Variants in PDE4C observed in about 807,000 individuals in gnomAD.
PDE4C encodes phosphodiesterase 4C.
In PDE4C, 50 loss-of-function variants were observed where a neutral mutation model predicts 63.9. The observed-to-expected ratio is 0.78, with a 90% CI of 0.62 to 0.99. The LOEUF (loss-of-function observed/expected upper bound fraction) is 0.99, where lower values mean the gene tolerates loss of function less well. PDE4C is among the 50% of genes least tolerant of loss of function. The probability of loss-of-function intolerance (pLI) is 0.00; values close to 1 mark genes in which losing one functional copy is unlikely to be tolerated. For synonymous variants in PDE4C, 377 were observed against 385.1 expected (o/e 0.98, Z 0.25); for missense variants, 777 against 899.1 (o/e 0.86, Z 1.74).
chr19:18,237,729 C>T (rs959727897), upstream of PDE4C, among the ~76,000 whole-genome samples: 9 of 151,840 alleles, frequency 5.9e-5, no homozygotes, highest in South Asian at 2.1e-4. Flanking sequence ...AAAAATTAGC[C>T]GGGCGTGGTG....
intron 1 of PDE4C, 53 bp downstream of exon 1, chr19:18,226,217 A>T (rs1048668959): frequency 1.4e-6 from 2 of 1,443,738 alleles, no homozygotes; most frequent in Admixed American, 4.0e-5. Flanking sequence ...TGCCCTTCCC[A>T]CCTCCACACC....
chr19:18,221,465 C>T (rs1321170823), intron 2 of PDE4C, among the ~76,000 whole-genome samples, 168 bp from the exon 3 acceptor site: 1 of 152,148 alleles, frequency 6.6e-6, no homozygotes, highest in Non-Finnish European at 1.5e-5. Flanking sequence ...AGCACAGCCC[C>T]TCCAACCATT....
chr19:18,240,252 C>T (rs542021105), intron 1 of PDE4C, among the ~76,000 whole-genome samples: 3 of 150,414 alleles, frequency 2.0e-5, no homozygotes, highest in Non-Finnish European at 4.4e-5. Context: ...CCTGGGCACC[C>T]CGTCGCTACA....
intron 1 of PDE4C, among the ~76,000 whole-genome samples, chr19:18,244,336 C>T (rs1054917650): frequency 4.6e-5 from 7 of 151,786 alleles, no homozygotes; most frequent in Non-Finnish European, 7.4e-5. Context: ...ACTCTGTCAC[C>T]CAGGCTGGAG....
At chr19:18,237,052 C>G (rs1486658806), upstream of PDE4C, 1 of 152,772 alleles carries the variant, frequency 6.5e-6, no homozygotes, top group African/African-American at 2.4e-5. Flanking sequence ...TCCACCAACT[C>G]CCAGAACCAC....
At chr19:18,219,080 C>T (rs755438900) in intron 8 of PDE4C, 42 bp from the exon 9 acceptor site, 1 of 1,586,120 alleles carries the variant, frequency 6.3e-7, no homozygotes, top group East Asian at 2.2e-5. Flanking sequence ...CCCAGCCCAA[C>T]TTCCCCAGAC....
chr19:18,225,972 T>C (rs779182440), intron 1 of PDE4C, among the ~76,000 whole-genome samples: 34 of 152,138 alleles, frequency 2.2e-4, no homozygotes, highest in Admixed American at 3.3e-4. Flanking sequence ...CCTCAGCCCG[T>C]CCCACTCTGG....
At chr19:18,223,282 C>T (rs1968571528) in intron 1 of PDE4C, among the ~76,000 whole-genome samples, 1 of 149,128 alleles carries the variant, frequency 6.7e-6, no homozygotes. Flanking sequence ...ACAATCTCAG[C>T]TCACCGCAAC....
the PDE4C span, among the ~76,000 whole-genome samples, chr19:18,253,593 G>A: frequency 6.6e-6 from 1 of 151,090 alleles, no homozygotes; most frequent in South Asian, 2.1e-4. Context: ...TAGAAACACA[G>A]TGGGTGCACA....
exon 1 of PDE4C, chr19:18,233,614 A>G: frequency 2.2e-6 from 1 of 446,162 alleles, no homozygotes; most frequent in Admixed American, 2.6e-5. Flanking sequence ...GTCTCAGGAG[A>G]CCCCCGGGGC....
At chr19:18,227,168 A>G (rs1968756539), upstream of PDE4C, among the ~76,000 whole-genome samples, 1 of 152,120 alleles carries the variant, frequency 6.6e-6, no homozygotes, top group South Asian at 2.1e-4. Flanking sequence ...CCAGATGGAG[A>G]AACTGAGGCC....
chr19:18,240,468 C>T (rs1346649587), intron 1 of PDE4C, among the ~76,000 whole-genome samples: 1 of 150,588 alleles, frequency 6.6e-6, no homozygotes, highest in Admixed American at 6.6e-5. Flanking sequence ...TGGCTCATGC[C>T]TATAATCCCA....
At chr19:18,235,722 C>T (rs1968939846), upstream of PDE4C, among the ~76,000 whole-genome samples, 1 of 152,068 alleles carries the variant, frequency 6.6e-6, no homozygotes, top group African/African-American at 2.4e-5. Flanking sequence ...CTCCAGGGCA[C>T]CCCATGAGGT....
chr19:18,241,336 G>C (rs535442164), intron 1 of PDE4C, among the ~76,000 whole-genome samples: 9 of 128,014 alleles, frequency 7.0e-5, no homozygotes, highest in African/African-American at 2.4e-4. Context: ...GCGCGATCTC[G>C]GCTCACTGCA....
intron 1 of PDE4C, among the ~76,000 whole-genome samples, chr19:18,243,760 T>G (rs1969083210): frequency 6.6e-6 from 1 of 152,158 alleles, no homozygotes; most frequent in African/African-American, 2.4e-5. Flanking sequence ...TGGAGTGGAA[T>G]GGGGTAAGGA....
chr19:18,243,371 T>C (rs1969076897), intron 1 of PDE4C, among the ~76,000 whole-genome samples: 1 of 152,030 alleles, frequency 6.6e-6, no homozygotes, highest in African/African-American at 2.4e-5. Flanking sequence ...GCCTCCCAAA[T>C]TGCTAAGATT....
chr19:18,220,395 CA>C lies in PDE4C; in HGVS notation c.612+7del. On this transcript the variant is annotated splice_region_variant and intron_variant, in intron 6 of 14. Transcript: ENST00000262805. The surrounding 1 kb of genome is among the most constrained non-coding windows in gnomAD (Gnocchi z 5.1). ...GGCAGGTGAGCTCAGCGATCTGCCC[CA>C]CCTCACCTTGTTGGAGGCCATCTCC... 6.2e-7 allele frequency: 1 copy of C among 1,613,422 alleles called. No individual in the cohort carries two copies. Among genetic ancestry groups the C allele is most frequent in the Non-Finnish European group, 8.5e-7 (1 of 1,179,354 alleles).
At chr19:18,233,729 G>A (rs1968900533), upstream of PDE4C, 2 of 336,490 alleles carry the variant, frequency 5.9e-6, no homozygotes, top group Admixed American at 4.2e-5. Flanking sequence ...GGTGCTGAAG[G>A]CAGGGGAGGG....
intron 1 of PDE4C, among the ~76,000 whole-genome samples, chr19:18,241,937 C>T (rs1034901268): frequency 2.7e-5 from 4 of 149,964 alleles, no homozygotes; most frequent in Admixed American, 6.7e-5. Context: ...ATTCATTGAA[C>T]AAATGCAAAA....
Sources: gnomAD v4.1 joint callset for allele counts (sites outside exome capture counted in the v4.1 genomes callset) on GRCh38, gnomAD v4.1.1 for gene constraint, Gnocchi (gnomAD v3.1) non-coding constraint, MANE v1.5 for transcripts, NCBI Gene and HGNC (gene_info 2026-07-23, HGNC 2026-07-21) for gene names.